CRB1: variants seen among roughly 807,000 people sequenced by gnomAD.
CRB1 encodes protein crumbs homolog 1.
CRB1 carries 83 observed loss-of-function variants against 120.0 expected under a neutral mutation model. The ratio of observed to expected loss-of-function variants is 0.69; its 90% CI spans 0.58 to 0.83. The LOEUF (loss-of-function observed/expected upper bound fraction) is 0.83. Among genes scored for constraint, CRB1 ranks in the 40% least tolerant of loss-of-function variants. CRB1 has a pLI of 0.00. For missense variants in CRB1, 1,699 were observed against 1,687.6 expected (o/e 1.01, Z -0.12); for synonymous variants, 625 against 612.5 (o/e 1.02, Z -0.30).
intron 11 of CRB1, among the ~76,000 whole-genome samples, chr1:197,448,702 C>A (rs771421628): frequency 2.0e-5 from 3 of 152,154 alleles, no homozygotes; most frequent in Non-Finnish European, 4.4e-5. Context: ...CTTCTAGGAT[C>A]CTTTCCCTGA....
intron 6 of CRB1, among the ~76,000 whole-genome samples, chr1:197,426,996 C>T (rs1047944642): frequency 1.2e-4 from 18 of 152,136 alleles, no homozygotes; most frequent in African/African-American, 4.3e-4. Flanking sequence ...CTTCAGCATG[C>T]CTCTAAGTAG....
At chr1:197,222,346 C>G in the CRB1 span, 1 of 747,098 alleles carries the variant, frequency 1.3e-6, no homozygotes, top group Non-Finnish European at 2.5e-6. Context: ...CCAGACGTGG[C>G]TGCATTGTCC....
intron 5 of CRB1, among the ~76,000 whole-genome samples, chr1:197,368,287 A>G (rs1661187677): frequency 6.6e-6 from 1 of 152,204 alleles, no homozygotes; most frequent in Admixed American, 6.5e-5. Context: ...ATGCATAAAT[A>G]ACTGTAACTC....
At chr1:197,248,602 C>T in the CRB1 span, among the ~76,000 whole-genome samples, 2 of 151,842 alleles carry the variant, frequency 1.3e-5, no homozygotes, top group South Asian at 4.1e-4. Flanking sequence ...TTTATTATAA[C>T]AAAAACATTA....
At position 197,277,977 on chromosome 1, in the gene CRB1, A is replaced by G. The variant is rs547575676; in HGVS notation, c.70+9495A>G. 2.0e-5 allele frequency among the ~76,000 whole-genome samples: 3 copies of G among 152,126 alleles called. No individual in the cohort carries two copies. In the East Asian group the frequency reaches 5.8e-4, roughly 30 times the overall value. Reference sequence around the variant, plus strand: ...ACTAGGTTATATTGCAACAAAAAACAAACCCAACATCTTAGTGTTAAAACA... The same window carrying G: ...ACTAGGTTATATTGCAACAAAAAACGAACCCAACATCTTAGTGTTAAAACA... On this transcript the variant is annotated intron_variant, in intron 1 of 11. Coordinates refer to ENST00000367400, the MANE Select transcript of CRB1 (RefSeq NM_201253.3).
intron 5 of CRB1, among the ~76,000 whole-genome samples, chr1:197,358,950 C>G (rs1660630884): frequency 6.6e-6 from 1 of 152,142 alleles, no homozygotes. Context: ...GGATACGAAC[C>G]TAGATCTTCT....
At chr1:197,325,425 C>T (rs1181379569) in intron 1 of CRB1, among the ~76,000 whole-genome samples, 2 of 152,070 alleles carry the variant, frequency 1.3e-5, no homozygotes, top group South Asian at 4.1e-4. Context: ...CTAGGTGAAA[C>T]GATGTAAGAC....
At chr1:197,464,520 A>G (rs1325215539) in intron 11 of CRB1, among the ~76,000 whole-genome samples, 1 of 151,982 alleles carries the variant, frequency 6.6e-6, no homozygotes. Context: ...GGGGTATGGG[A>G]AAAAGTAGAG....
chr1:197,430,168 A>G (rs964911941), intron 8 of CRB1, among the ~76,000 whole-genome samples: 1 of 152,224 alleles, frequency 6.6e-6, no homozygotes, highest in African/African-American at 2.4e-5. Context: ...CTGTACTACA[A>G]AAAACAATTT....
intron 11 of CRB1, chr1:197,444,670 T>C (rs1034277312): frequency 1.3e-5 from 2 of 152,220 alleles, no homozygotes; most frequent in African/African-American, 4.8e-5. Context: ...TGTCAGTTGC[T>C]TTTCTGTTTT....
At chr1:197,371,762 G>A (rs1364885558) in intron 5 of CRB1, among the ~76,000 whole-genome samples, 3 of 152,216 alleles carry the variant, frequency 2.0e-5, no homozygotes, top group East Asian at 1.9e-4. Flanking sequence ...GATTTTTGTC[G>A]CAACTGATGA....
chr1:197,457,064 C>G (rs959941769), intron 11 of CRB1, among the ~76,000 whole-genome samples: 7 of 152,100 alleles, frequency 4.6e-5, no homozygotes, highest in African/African-American at 1.7e-4. Context: ...TTCTTCGACC[C>G]TAAAACCCTC....
At chr1:197,224,103 C>T in the CRB1 span, among the ~76,000 whole-genome samples, 3 of 148,864 alleles carry the variant, frequency 2.0e-5, no homozygotes, top group Non-Finnish European at 2.9e-5. Flanking sequence ...ATAATAATTC[C>T]GAAAAAATTT....
chr1:197,320,948 A>G (rs1177796639), intron 1 of CRB1, among the ~76,000 whole-genome samples: 2 of 152,252 alleles, frequency 1.3e-5, no homozygotes, highest in Non-Finnish European at 2.9e-5. Context: ...AATTCAAAAC[A>G]TCAGATATTC....
chr1:197,394,001 T>C (rs1411301119), intron 5 of CRB1, among the ~76,000 whole-genome samples: 1 of 152,128 alleles, frequency 6.6e-6, no homozygotes, highest in Non-Finnish European at 1.5e-5. Context: ...TTCCACAAAA[T>C]TTATAGCGGT....
intron 5 of CRB1, among the ~76,000 whole-genome samples, chr1:197,377,306 C>T (rs1661700230): frequency 6.6e-6 from 1 of 152,110 alleles, no homozygotes; most frequent in Admixed American, 6.5e-5. Context: ...TACTATAGCT[C>T]CAGGACCTAG....
intron 11 of CRB1, among the ~76,000 whole-genome samples, chr1:197,454,370 C>G (rs1181461883): frequency 1.3e-5 from 2 of 152,024 alleles, no homozygotes; most frequent in Non-Finnish European, 2.9e-5. Flanking sequence ...CATTATCAAG[C>G]ACCAAAATTA....
At chr1:197,457,120 T>C (rs1666318871) in intron 11 of CRB1, among the ~76,000 whole-genome samples, 1 of 152,122 alleles carries the variant, frequency 6.6e-6, no homozygotes. Context: ...TCTCATAATG[T>C]TCCAGTAAAG....
chr1:197,434,322 TTTATTTGTGGGAGCAAA>T lies in CRB1; in HGVS notation c.2843-382_2843-366del, dbSNP rs545756999. ...TATGTGTAAAATGAATTATCAATGC[TTTATTTGTGGGAGCAAA>T]TGCAAAATAAAAATTGGCATGCATT... On this transcript the variant is annotated intron_variant, in intron 8 of 11. Coordinates refer to ENST00000367400, the MANE Select transcript of CRB1 (RefSeq NM_201253.3). Among the ~76,000 whole-genome samples, 345 of 152,308 alleles carry T rather than the reference TTTATTTGTGGGAGCAAA, an allele frequency of 2.3e-3. 2 individuals carry two copies. The highest frequency in any genetic ancestry group is 5.6e-3 in the South Asian group (27 of 4,832).
Sources: allele counts gnomAD v4.1 joint callset (sites outside exome capture counted in the v4.1 genomes callset), GRCh38; gene constraint gnomAD v4.1.1; transcripts MANE v1.5; gene names NCBI Gene and HGNC (gene_info 2026-07-23, HGNC 2026-07-21).